SNX1: variants seen among roughly 807,000 people sequenced by gnomAD.
The protein encoded by SNX1 is sorting nexin 1.
Under a neutral mutation model 71.8 loss-of-function variants are expected in SNX1, and 36 were observed. The observed-to-expected ratio is 0.50, with a 90% confidence interval of 0.38 to 0.66. The LOEUF is 0.66. SNX1 is among the 30% of genes least tolerant of loss of function. The pLI is 0.00. For missense variants in SNX1, 612 were observed against 646.7 expected, an observed-to-expected ratio of 0.95 and a Z score of 0.58; for synonymous variants, 254 against 240.7, an observed-to-expected ratio of 1.06 and a Z score of -0.51.
intron 1 of SNX1, among the ~76,000 whole-genome samples, chr15:64,100,927 C>T (rs2080954940): frequency 6.6e-6 from 1 of 152,144 alleles, no homozygotes; most frequent in Admixed American, 6.5e-5. Flanking sequence ...ACCTCAGCCT[C>T]CTGCGTAGCA....
At chr15:64,117,866 T>C (rs899667426) in intron 2 of SNX1, among the ~76,000 whole-genome samples, 2 of 152,228 alleles carry the variant, frequency 1.3e-5, no homozygotes, top group Non-Finnish European at 2.9e-5. Context: ...GTATAAATTC[T>C]AGGTAGGAGA....
chr15:64,115,311 A>G (rs1318969046), intron 2 of SNX1, among the ~76,000 whole-genome samples: 1 of 152,184 alleles, frequency 6.6e-6, no homozygotes, highest in Non-Finnish European at 1.5e-5. Context: ...CTAGAATGGA[A>G]AGTCTACAAT....
rs533577334 is a variant in SNX1 at position 64,127,712 on chromosome 15, A to G, written c.732-19A>G. Reference sequence around the variant, plus strand: ...TGAGGCCAGCTCAACTAACCAGATGATAACTGCTTACCTTTTAGGTACCTT... The same window carrying G: ...TGAGGCCAGCTCAACTAACCAGATGGTAACTGCTTACCTTTTAGGTACCTT... On this transcript the variant is annotated intron_variant, in intron 7 of 14. Transcript: ENST00000559844. The G allele has an allele frequency of 1.2e-6, 2 of 1,604,186 alleles. No homozygotes were observed. Among genetic ancestry groups the G allele is most frequent in the East Asian group, 2.2e-5 (1 of 44,842 alleles).
At position 64,096,081 on chromosome 15, in the gene SNX1, C is replaced by T. The variant is rs1360390894; in HGVS notation, c.68C>T (p.Pro23Leu). ...CCTCCGCCCTTCCCCGGCCTGGAGC[C>T]GGAGTCCGAGGGGGCGGCCGGGGGA... ...RLPPPFPGLE[P>L]ESEGAAGGSE... Residue 23 changes from proline to leucine, a missense_variant, in exon 1 of 15, where the codon CCG becomes CTG. Coordinates refer to ENST00000559844, the MANE Select transcript of SNX1 (RefSeq NM_003099.5). The T allele has an allele frequency of 6.3e-7, 1 of 1,576,254 alleles. No homozygotes were observed. The highest frequency in any genetic ancestry group is 8.6e-7 in the Non-Finnish European group (1 of 1,164,174).
chr15:64,135,653 G>C (rs113769740), intron 12 of SNX1, among the ~76,000 whole-genome samples: 207 of 151,662 alleles, frequency 1.4e-3, no homozygotes, highest in Non-Finnish European at 2.3e-3. Context: ...CAGATACTCA[G>C]GAGGCTGAGG....
At chr15:64,137,522 T>C (rs1164288061) in intron 14 of SNX1, 46 bp from the exon 15 acceptor site, 15 of 1,611,848 alleles carry the variant, frequency 9.3e-6, no homozygotes, top group Non-Finnish European at 1.3e-5. Flanking sequence ...GCTTAGGCTC[T>C]GCCACTAGGT....
At position 64,143,530 on chromosome 15, in the gene SNX1, C is replaced by T. The variant is rs1211618733; in HGVS notation, c.*5912C>T. 34 of 152,236 alleles carry T rather than the reference C, an allele frequency of 2.2e-4. No homozygotes were observed. Among genetic ancestry groups the T allele is most frequent in the Admixed American group, 2.2e-3 (33 of 15,280 alleles). 9.4% of individuals were successfully genotyped at this position (152,236 alleles called of 1,614,324 possible). On this transcript the variant is annotated 3_prime_UTR_variant, in exon 15 of 15. Transcript: ENST00000559844. ...ATACTGTCTGTGAAAGGACCCAGCT[C>T]ACCTTTCCCTCTTTATCTCCCAGTC...
At chr15:64,119,244 C>T (rs549098786) in intron 4 of SNX1, among the ~76,000 whole-genome samples, 30 of 152,256 alleles carry the variant, frequency 2.0e-4, no homozygotes, top group Admixed American at 1.8e-3. Flanking sequence ...TGAGCCACCC[C>T]AGCCGCCCAA....
chr15:64,098,327 A>G (rs1249159113), intron 1 of SNX1, among the ~76,000 whole-genome samples: 1 of 152,262 alleles, frequency 6.6e-6, no homozygotes, highest in Non-Finnish European at 1.5e-5. Context: ...ACTGAAAGTG[A>G]TTGGTCACAT....
At chr15:64,107,288 C>T (rs1395215780) in intron 1 of SNX1, among the ~76,000 whole-genome samples, 1 of 152,194 alleles carries the variant, frequency 6.6e-6, no homozygotes, top group Non-Finnish European at 1.5e-5. Context: ...ACAGTACCTA[C>T]GTTTTTGAGA....
At chr15:64,101,491 A>C (rs980583090) in intron 1 of SNX1, among the ~76,000 whole-genome samples, 3 of 152,214 alleles carry the variant, frequency 2.0e-5, no homozygotes, top group Non-Finnish European at 4.4e-5. Flanking sequence ...TATATAGCAC[A>C]TTTTATTTAT....
intron 1 of SNX1, among the ~76,000 whole-genome samples, chr15:64,105,138 G>C (rs1221993696): frequency 2.6e-5 from 4 of 151,650 alleles, no homozygotes; most frequent in Non-Finnish European, 5.9e-5. Flanking sequence ...AGGAGGCTGA[G>C]GCATGAGAAT....
chr15:64,126,107 A>G lies in SNX1; in HGVS notation c.539A>G (p.Gln180Arg), dbSNP rs566105118. 3.1e-6 allele frequency: 5 copies of G among 1,614,180 alleles called. No homozygotes were observed. The African/African-American group carries it at 6.7e-5, about 22-fold the overall frequency. ...AGCTTACCATTGTTCAGAAGCAAAC[A>G]GTTTGCAGTAAAAAGAAGATTTAGT... Reference protein sequence around the residue: ...QTSLPLFRSKQFAVKRRFSDF... With the variant: ...QTSLPLFRSKRFAVKRRFSDF... Residue 180 changes from glutamine (Q) to arginine (R), a missense_variant, in exon 6 of 15, where the codon CAG becomes CGG. This residue lies in a region of SNX1 where 316 missense variants were observed against 284.9 expected (regional missense o/e 1.11). Coordinates refer to ENST00000559844, the MANE Select transcript of SNX1 (RefSeq NM_003099.5).
chr15:64,138,397 G>GC lies in SNX1; in HGVS notation c.*780dup. 1 of 524,390 alleles carries GC rather than the reference G, an allele frequency of 1.9e-6. No individual in the cohort carries two copies. The highest frequency in any genetic ancestry group is 3.3e-6 in the Non-Finnish European group (1 of 307,284). 32.5% of individuals were successfully genotyped at this position (524,390 alleles called of 1,614,324 possible). ...TCTTTTATTCTTCCTGCTTCCCTAAGCTGCTCAGGGTTCTCTGAGTCTTGC... is the reference window on the plus strand; with the variant it reads ...TCTTTTATTCTTCCTGCTTCCCTAAGCCTGCTCAGGGTTCTCTGAGTCTTGC... On this transcript the variant is annotated 3_prime_UTR_variant, in exon 15 of 15. Coordinates refer to ENST00000559844, the MANE Select transcript of SNX1 (RefSeq NM_003099.5).
intron 2 of SNX1, among the ~76,000 whole-genome samples, chr15:64,115,398 A>G (rs2140142225): frequency 6.6e-6 from 1 of 152,130 alleles, no homozygotes; most frequent in Non-Finnish European, 1.5e-5. Context: ...ACGTTCTGAT[A>G]TCATTTTTAA....
Position 64,118,198 on chromosome 15 carries a change from C to T in SNX1, c.353C>T (p.Pro118Leu), listed in dbSNP as rs759211566. Residue 118 changes from proline (P) to leucine (L), a missense_variant, in exon 3 of 15, where the codon CCT becomes CTT. By Grantham distance (98) the Pro-to-Leu change is moderately conservative (BLOSUM62 -3). This residue lies in a region of SNX1 where 316 missense variants were observed against 284.9 expected (regional missense o/e 1.11). Transcript: ENST00000559844. ...VLAKTLISLPPQEATNSSKPQ... is the reference protein window; with the variant it reads ...VLAKTLISLPLQEATNSSKPQ... The stretch of plus-strand genomic sequence containing the variant: ...GCCAAAACACTCATTTCTCTTCCTC[C>T]TCAGGAAGCCACAAATTCTTCGAAG... The T allele has an allele frequency of 2.5e-6, 4 of 1,613,646 alleles. No homozygotes were observed. Among genetic ancestry groups the T allele is most frequent in the South Asian group, 1.1e-5 (1 of 91,038 alleles).
At chr15:64,107,606 G>C (rs952294714) in intron 1 of SNX1, among the ~76,000 whole-genome samples, 1 of 152,146 alleles carries the variant, frequency 6.6e-6, no homozygotes, top group Non-Finnish European at 1.5e-5. Context: ...GTATTGGTCT[G>C]TCTGTATGCT....
At chr15:64,103,585 T>C (rs543128289) in intron 1 of SNX1, among the ~76,000 whole-genome samples, 1 of 152,360 alleles carries the variant, frequency 6.6e-6, no homozygotes, top group East Asian at 1.9e-4. Context: ...TGGTGGTACC[T>C]ATAAAACTGT....
At chr15:64,122,753 A>G (rs1297294305) in intron 4 of SNX1, among the ~76,000 whole-genome samples, 2 of 152,198 alleles carry the variant, frequency 1.3e-5, no homozygotes, top group Non-Finnish European at 2.9e-5. Flanking sequence ...ATTCCAGAAT[A>G]TGTCTTTTCA....
Sources: gnomAD v4.1 joint callset for allele counts (sites outside exome capture counted in the v4.1 genomes callset) on GRCh38, gnomAD v4.1.1 for gene constraint, gnomAD v4.1.1 regional missense constraint, MANE v1.5 for transcripts, NCBI Gene and HGNC (gene_info 2026-07-23, HGNC 2026-07-21) for gene names.